DHTKD1: variants seen among roughly 807,000 people sequenced by gnomAD.
The protein encoded by DHTKD1 is dehydrogenase E1 and transketolase domain containing 1.
DHTKD1 carries 78 observed loss-of-function variants against 101.8 expected under a neutral mutation model. The observed-to-expected ratio is 0.77, with a 90% CI of 0.64 to 0.93. DHTKD1 has a LOEUF of 0.93. Among genes scored for constraint, DHTKD1 ranks in the 40% least tolerant of loss-of-function variants. DHTKD1 has a pLI of 0.00. For missense variants in DHTKD1, 1,223 were observed against 1,161.7 expected, an observed-to-expected ratio of 1.05 and a Z score of -0.77; for synonymous variants, 462 against 450.3, an observed-to-expected ratio of 1.03 and a Z score of -0.33.
In DHTKD1 at chr10:12,110,160, C is replaced by T. The variant is rs969048325; in HGVS notation, c.2154+2145C>T. 2.0e-4 allele frequency among the ~76,000 whole-genome samples: 30 copies of T among 152,172 alleles called. No individual in the cohort carries two copies. The East Asian group carries it at 3.1e-3, about 16-fold the overall frequency. The stretch of plus-strand genomic sequence containing the variant: ...AAAAATACAAAAAATTAGCCGGGCA[C>T]GGTGGCAGGCACCTGTAGTCCCAGC... On this transcript the variant is annotated intron_variant, in intron 12 of 16. Coordinates refer to ENST00000263035, the MANE Select transcript of DHTKD1 (RefSeq NM_018706.7). This position sits in a 1 kb window ranked among gnomAD's most constrained non-coding sequence, Gnocchi z 4.9.
At chr10:12,083,992 G>A (rs1012725483) in intron 2 of DHTKD1, among the ~76,000 whole-genome samples, 6 of 150,852 alleles carry the variant, frequency 4.0e-5, no homozygotes, top group Admixed American at 2.7e-4. Context: ...GTGTGATCTC[G>A]GCTCACTGCA....
intron 1 of DHTKD1, among the ~76,000 whole-genome samples, chr10:12,075,283 GATT>G: frequency 6.6e-6 from 1 of 152,236 alleles, no homozygotes; most frequent in Non-Finnish European, 1.5e-5. Context: ...GGGTGCAAGT[GATT>G]ATCCTGCCTC....
chr10:12,106,321 C>G lies in DHTKD1; in HGVS notation c.1972C>G (p.Leu658Val), dbSNP rs1833246604. The G allele has an allele frequency of 6.2e-7, 1 of 1,614,182 alleles. No individual in the cohort carries two copies. Residue 658 changes from leucine to valine, a missense_variant, in exon 11 of 17, where the codon CTG becomes GTG. Physicochemically the swap from Leu to Val is conservative, Grantham distance 32. Coordinates refer to ENST00000263035, the MANE Select transcript of DHTKD1 (RefSeq NM_018706.7). ...GATGAGCATTGAGAGCCCAAAGTTA[C>G]TGCCCCTGTGGGAGGCACAGTTTGG... ...YGMSIESPKL[L>V]PLWEAQFGDF... is the part of the protein sequence containing the mutation.
chr10:12,091,635 C>T lies in DHTKD1; in HGVS notation c.1110C>T (p.Tyr370=), dbSNP rs1832991548. ...TGATTGTTAATAACCAGCTGGGTTACACCACTCCAGCTGAAAGAGGAAGGT... is the reference window on the plus strand; with the variant it reads ...TGATTGTTAATAACCAGCTGGGTTATACCACTCCAGCTGAAAGAGGAAGGT... ...VHLIVNNQLG[Y]TTPAERGRSS... is the part of the protein sequence containing the mutation. The change falls in exon 6 of 17, where the codon TAC becomes TAT. Residue 370 remains tyrosine, a synonymous_variant. Transcript: ENST00000263035. The T allele has an allele frequency of 6.2e-7, 1 of 1,613,708 alleles. No homozygotes were observed. Among genetic ancestry groups the T allele is most frequent in the Non-Finnish European group, 8.5e-7 (1 of 1,179,948 alleles).
At chr10:12,093,504 A>C (rs1833023192) in intron 6 of DHTKD1, among the ~76,000 whole-genome samples, 1 of 152,244 alleles carries the variant, frequency 6.6e-6, no homozygotes, top group Non-Finnish European at 1.5e-5. Flanking sequence ...TCTTAAGATA[A>C]AGACAGTGCT....
chr10:12,103,075 T>C lies in DHTKD1; in HGVS notation c.1896+1894T>C, dbSNP rs1212241789. Among the ~76,000 whole-genome samples the C allele has an allele frequency of 5.3e-5, 8 of 152,006 alleles. No individual in the cohort carries two copies. Among genetic ancestry groups the C allele is most frequent in the Non-Finnish European group, 1.2e-4 (8 of 67,998 alleles). Reference sequence around the variant, plus strand: ...CTGTCTCTACTAAAAATACAAAAATTAGTCGGGCATGGTGGCACACGCCTG... The same window carrying C: ...CTGTCTCTACTAAAAATACAAAAATCAGTCGGGCATGGTGGCACACGCCTG... On this transcript the variant is annotated intron_variant, in intron 10 of 16. Transcript: ENST00000263035. This position sits in a 1 kb window ranked among gnomAD's most constrained non-coding sequence, Gnocchi z 4.8.
At chr10:12,069,684 C>CTTTTTTTTTTTTT (rs11292752) in intron 1 of DHTKD1, among the ~76,000 whole-genome samples, 1 of 25,478 alleles carries the variant, frequency 3.9e-5, no homozygotes, top group Non-Finnish European at 7.1e-5. Context: ...CCACGCCCAG[C>CTTTTTTTTTTTTT]TTTTTTTTTT....
At chr10:12,119,432 A>G (rs553654052) in intron 15 of DHTKD1, among the ~76,000 whole-genome samples, 2,016 of 150,398 alleles carry the variant, frequency 0.013, 27 homozygotes, top group African/African-American at 0.035. Flanking sequence ...TGGCTAACAC[A>G]GTGAAACCCC....
chr10:12,110,055 T>G lies in DHTKD1; in HGVS notation c.2154+2040T>G, dbSNP rs1833304265. 6.6e-6 allele frequency among the ~76,000 whole-genome samples: 1 copy of G among 152,070 alleles called. No homozygotes were observed. The highest frequency in any genetic ancestry group is 2.1e-4 in the South Asian group (1 of 4,828). ...GGCTCACTCCTGTAATCCCAGCACT[T>G]TGGGAGGCCGAGGCGGGCGGATCAT... On this transcript the variant is annotated intron_variant, in intron 12 of 16. Coordinates refer to ENST00000263035, the MANE Select transcript of DHTKD1 (RefSeq NM_018706.7). The surrounding 1 kb of genome is among the most constrained non-coding windows in gnomAD (Gnocchi z 4.9).
Position 12,089,216 on chromosome 10 carries a change from C to T in DHTKD1, c.948C>T (p.Asp316=). The change falls in exon 5 of 17, where the codon GAC becomes GAT. Residue 316 remains aspartate, a synonymous_variant. Coordinates refer to ENST00000263035, the MANE Select transcript of DHTKD1 (RefSeq NM_018706.7). ...GCCAAGACGGCGATTACTCTCCAGA[C>T]AACTCAGCCCAGCCGGGGGACAGGG... The part of the protein sequence containing the change: ...QSRQDGDYSP[D]NSAQPGDRVI... 1 of 1,614,180 alleles carries T rather than the reference C, an allele frequency of 6.2e-7. No homozygotes were observed. Among genetic ancestry groups the T allele is most frequent in the Non-Finnish European group, 8.5e-7 (1 of 1,180,034 alleles).
Position 12,106,245 on chromosome 10 carries a change from G to C in DHTKD1, c.1897-1G>C. On this transcript the variant is annotated splice_acceptor_variant, in intron 10 of 16. Coordinates refer to ENST00000263035, the MANE Select transcript of DHTKD1 (RefSeq NM_018706.7). LOFTEE classifies it high-confidence loss of function. ...CGTTTCCTTCTCTTCTCTGGGATTA[G>C]GTCAGCAACAGCCCACTGTCAGAAG... 6.2e-7 allele frequency: 1 copy of C among 1,614,140 alleles called. No individual in the cohort carries two copies. Among genetic ancestry groups the C allele is most frequent in the East Asian group, 2.2e-5 (1 of 44,882 alleles).
In DHTKD1 at chr10:12,084,688, G is replaced by T. The variant is rs1832872644; in HGVS notation, c.459G>T (p.Leu153=). ...KDWFAKRFEE[L]QKETFTTEER... ...GGTTTGCCAAGCGGTTTGAGGAACT[G>T]CAAAAGGAGACGTTTACCACAGAAG... The change falls in exon 3 of 17, where the codon CTG becomes CTT. Residue 153 remains leucine, a synonymous_variant. Transcript: ENST00000263035. 2 of 1,613,990 alleles carry T rather than the reference G, an allele frequency of 1.2e-6. No individual in the cohort carries two copies. Among genetic ancestry groups the T allele is most frequent in the Non-Finnish European group, 8.5e-7 (1 of 1,180,032 alleles).
chr10:12,106,409 G>C lies in DHTKD1; in HGVS notation c.2047+13G>C. On this transcript the variant is annotated intron_variant, in intron 11 of 16. Coordinates refer to ENST00000263035, the MANE Select transcript of DHTKD1 (RefSeq NM_018706.7). ...TTCATCTCTGGAGGTTGGTGTCAGC[G>C]TATAGGGTGGGTACAGGTGGGGGTC... The C allele has an allele frequency of 7.4e-6, 12 of 1,614,130 alleles. No individual in the cohort carries two copies. The highest frequency in any genetic ancestry group is 1.0e-5 in the Non-Finnish European group (12 of 1,179,990).
chr10:12,070,405 G>T (rs1303271987), intron 1 of DHTKD1, among the ~76,000 whole-genome samples: 1 of 152,176 alleles, frequency 6.6e-6, no homozygotes, highest in Non-Finnish European at 1.5e-5. Context: ...ACCTTGGAAT[G>T]TTCCATCAAT....
At chr10:12,082,528 C>T (rs779157747) in intron 2 of DHTKD1, among the ~76,000 whole-genome samples, 3 of 152,058 alleles carry the variant, frequency 2.0e-5, no homozygotes, top group Non-Finnish European at 4.4e-5. Flanking sequence ...GACGTAATGG[C>T]ATTTAAACCC....
At chr10:12,119,170 G>A (rs565268538) in intron 15 of DHTKD1, among the ~76,000 whole-genome samples, 1 of 151,534 alleles carries the variant, frequency 6.6e-6, no homozygotes, top group South Asian at 2.1e-4. Context: ...GCCGGGCGTG[G>A]TGGCGGGCGC....
chr10:12,091,422 A>AAAAAAAAAG lies in DHTKD1; in HGVS notation c.988-90_988-82dup, dbSNP rs2131360544. On this transcript the variant is annotated intron_variant, in intron 5 of 16. Transcript: ENST00000263035. ...GCAAGACTCTGTCTCAAAAAAAAAA[A>AAAAAAAAAG]AAAAAAAAGTTATTCCAACCTGAAA... The AAAAAAAAAG allele has an allele frequency of 2.6e-6, 2 of 779,446 alleles. 1 individual carries two copies. The highest frequency in any genetic ancestry group is 3.5e-5 in the African/African-American group (2 of 57,834). The allele number at this position is 779,446 out of a possible 1,614,324, so 48.3% of individuals were successfully genotyped here.
In DHTKD1 at chr10:12,080,037, T is replaced by C. The variant is rs150896960; in HGVS notation, c.155-1435T>C. On this transcript the variant is annotated intron_variant, in intron 1 of 16. Transcript: ENST00000263035. Reference sequence around the variant, plus strand: ...GGCTCACGCCTGTAATCCCGGCACTTTGGGAGGCCGAGGTGGGTGGATCAT... The same window carrying C: ...GGCTCACGCCTGTAATCCCGGCACTCTGGGAGGCCGAGGTGGGTGGATCAT... Among the ~76,000 whole-genome samples, 1,266 of 152,232 alleles carry C rather than the reference T, an allele frequency of 8.3e-3. 23 individuals are homozygous for C. Among genetic ancestry groups the C allele is most frequent in the East Asian group, 0.053 (277 of 5,182 alleles).
Position 12,069,041 on chromosome 10 carries a change from C to G in DHTKD1, c.8C>G (p.Ser3Cys), listed in dbSNP as rs765392621. The change falls in exon 1 of 17, where the codon TCT (serine) becomes TGT (cysteine). Residue 3 changes from serine (S) to cysteine (C), a missense_variant. Ser to Cys is a moderately radical substitution (Grantham distance 112). Transcript: ENST00000263035. ...CCGGGACATCTGGTGAACATGGCCT[C>G]TGCTACTGCGGCAGCAGCACGACGG... MA[S>C]ATAAAARRGL... 9 of 1,613,332 alleles carry G rather than the reference C, an allele frequency of 5.6e-6. No individual in the cohort carries two copies. The East Asian group carries it at 8.9e-5, about 16-fold the overall frequency.
Sources: gnomAD v4.1 joint callset for allele counts (sites outside exome capture counted in the v4.1 genomes callset) on GRCh38, gnomAD v4.1.1 for gene constraint, Gnocchi (gnomAD v3.1) non-coding constraint, MANE v1.5 for transcripts, NCBI Gene and HGNC (gene_info 2026-07-23, HGNC 2026-07-21) for gene names.